The following CFAP20DC variants were observed in gnomAD, a reference collection of about 807,000 sequenced individuals.
The protein encoded by CFAP20DC is CFAP20 domain containing.
In CFAP20DC, 84 loss-of-function variants were observed where a neutral mutation model predicts 101.7. That is an observed-to-expected ratio of 0.83 (90% CI 0.69 to 0.99). The LOEUF (loss-of-function observed/expected upper bound fraction) is 0.99, where lower values mean the gene tolerates loss of function less well. CFAP20DC is among the 50% of genes least tolerant of loss of function. CFAP20DC has a pLI of 0.00. For missense variants in CFAP20DC, 1,007 were observed against 970.3 expected (o/e 1.04, Z -0.50); for synonymous variants, 359 against 351.2 (o/e 1.02, Z -0.25).
intron 6 of CFAP20DC, among the ~76,000 whole-genome samples, chr3:58,904,631 C>T (rs2083435851): frequency 6.6e-6 from 1 of 152,180 alleles, no homozygotes; most frequent in Non-Finnish European, 1.5e-5. Context: ...ATAATAAATA[C>T]TAAAACCACA....
intron 12 of CFAP20DC, among the ~76,000 whole-genome samples, chr3:58,849,666 G>A (rs2078049716): frequency 6.6e-6 from 1 of 152,086 alleles, no homozygotes; most frequent in South Asian, 2.1e-4. Context: ...TGAAAAACAA[G>A]AGAACATTTA....
chr3:58,991,259 C>A (rs570199808), intron 4 of CFAP20DC, among the ~76,000 whole-genome samples: 3 of 152,110 alleles, frequency 2.0e-5, no homozygotes, highest in Non-Finnish European at 4.4e-5. Context: ...TCATCAGTAA[C>A]CATCTCCAAC....
intron 16 of CFAP20DC, among the ~76,000 whole-genome samples, chr3:58,744,841 G>A (rs2068085017): frequency 6.6e-6 from 1 of 152,180 alleles, no homozygotes. Flanking sequence ...ACTCTGGAAA[G>A]GGTGAAGCAG....
rs867087672 is a variant in CFAP20DC at position 58,811,279 on chromosome 3, G to C, written c.2176-4823C>G. ...CTAAGCCAAAAGAACAAAGCTGGAG[G>C]CATCACGTTACCTGACTGCAAAGTA... On this transcript the variant is annotated intron_variant, in intron 14 of 16. Coordinates refer to ENST00000482387, the MANE Select transcript of CFAP20DC (RefSeq NM_001394063.1). Among the ~76,000 whole-genome samples, 11 of 152,114 alleles carry C rather than the reference G, an allele frequency of 7.2e-5. No homozygotes were observed. In the South Asian group the frequency reaches 1.0e-3, roughly 14 times the overall value.
rs1382732552 is a variant in CFAP20DC, at chr3:58,795,157, G to C, written c.2237+11238C>G. 6.6e-6 allele frequency among the ~76,000 whole-genome samples: 1 copy of C among 152,112 alleles called. No homozygotes were observed. Among genetic ancestry groups the C allele is most frequent in the Non-Finnish European group, 1.5e-5 (1 of 68,030 alleles). Reference sequence around the variant, plus strand: ...TTTAAAGGTTCTCATTACTCTTGAGGGGGAAGCTGAATCTTTTAATTAAAA... The same window carrying C: ...TTTAAAGGTTCTCATTACTCTTGAGCGGGAAGCTGAATCTTTTAATTAAAA... On this transcript the variant is annotated intron_variant, in intron 15 of 16. Coordinates refer to ENST00000482387, the MANE Select transcript of CFAP20DC (RefSeq NM_001394063.1). The surrounding 1 kb of genome is among the most constrained non-coding windows in gnomAD (Gnocchi z 4.2).
chr3:58,950,796 A>G (rs1260361877), intron 4 of CFAP20DC, among the ~76,000 whole-genome samples: 1 of 152,200 alleles, frequency 6.6e-6, no homozygotes, highest in Non-Finnish European at 1.5e-5. Flanking sequence ...TAGACCTAAA[A>G]CCATAAAAAC....
At chr3:58,890,159 G>A (rs1353380543) in intron 6 of CFAP20DC, among the ~76,000 whole-genome samples, 8 of 149,332 alleles carry the variant, frequency 5.4e-5, no homozygotes, top group Admixed American at 2.6e-4. Context: ...CCTCCCGGAC[G>A]GGGCGGCTGG....
intron 13 of CFAP20DC, among the ~76,000 whole-genome samples, chr3:58,840,069 C>A (rs1037859369): frequency 1.3e-5 from 2 of 152,222 alleles, no homozygotes; most frequent in African/African-American, 4.8e-5. Context: ...GGGACAGGAA[C>A]AAGTTACACC....
chr3:58,822,312 A>AAAC (rs2075722461), intron 14 of CFAP20DC, among the ~76,000 whole-genome samples: 1 of 138,392 alleles, frequency 7.2e-6, no homozygotes, highest in African/African-American at 2.8e-5. Flanking sequence ...AAATCATGAA[A>AAAC]AAACAAACAA....
chr3:59,039,528 A>T (rs1373185755), intron 4 of CFAP20DC, 29 bp downstream of exon 4: 6 of 1,345,020 alleles, frequency 4.5e-6, no homozygotes, highest in Non-Finnish European at 6.1e-6. Context: ...ATACACACAA[A>T]ACATTCAAAG....
chr3:58,900,312 C>T (rs2083042264), intron 6 of CFAP20DC, among the ~76,000 whole-genome samples: 1 of 152,192 alleles, frequency 6.6e-6, no homozygotes, highest in Admixed American at 6.5e-5. Context: ...TGGACAGAAG[C>T]CCCTTAATAA....
intron 15 of CFAP20DC, among the ~76,000 whole-genome samples, chr3:58,775,858 G>T (rs2071291316): frequency 6.6e-6 from 1 of 151,008 alleles, no homozygotes; most frequent in East Asian, 2.0e-4. Context: ...CGATTCTCCT[G>T]CCTCAGCCTC....
intron 4 of CFAP20DC, among the ~76,000 whole-genome samples, chr3:58,988,416 A>G (rs2092822636): frequency 1.3e-5 from 2 of 152,164 alleles, no homozygotes; most frequent in Admixed American, 1.3e-4. Flanking sequence ...TTCGCACTAC[A>G]TGTTCCATGG....
At chr3:59,031,060 G>C (rs1018751339) in intron 4 of CFAP20DC, among the ~76,000 whole-genome samples, 1 of 152,162 alleles carries the variant, frequency 6.6e-6, no homozygotes, top group African/African-American at 2.4e-5. Context: ...CTGACCTCGT[G>C]ATCCACACAC....
intron 4 of CFAP20DC, among the ~76,000 whole-genome samples, chr3:58,985,070 G>A (rs2092706877): frequency 6.6e-6 from 1 of 151,998 alleles, no homozygotes; most frequent in Non-Finnish European, 1.5e-5. Context: ...GACTACAGGA[G>A]CGCCCACAAT....
chr3:59,034,791 A>G (rs1379083979), intron 4 of CFAP20DC, among the ~76,000 whole-genome samples: 1 of 152,204 alleles, frequency 6.6e-6, no homozygotes, highest in African/African-American at 2.4e-5. Flanking sequence ...TCAATGAGAC[A>G]GAAAATTAAC....
At chr3:58,854,784 T>C (rs1212595087) in intron 12 of CFAP20DC, among the ~76,000 whole-genome samples, 6 of 150,156 alleles carry the variant, frequency 4.0e-5, no homozygotes, top group East Asian at 3.9e-4. Context: ...GCTAGCCATA[T>C]GTAGAAAGCT....
chr3:58,952,121 T>G (rs932102478), intron 4 of CFAP20DC, among the ~76,000 whole-genome samples: 4 of 152,158 alleles, frequency 2.6e-5, no homozygotes, highest in African/African-American at 9.7e-5. Flanking sequence ...TTATTACAAA[T>G]TCATCATCAG....
chr3:58,763,121 C>A (rs1197642482), intron 15 of CFAP20DC, among the ~76,000 whole-genome samples: 1 of 152,154 alleles, frequency 6.6e-6, no homozygotes, highest in Non-Finnish European at 1.5e-5. Context: ...TGGATAATAT[C>A]CTGCAGAGTG....
Sources: gnomAD v4.1 joint callset for allele counts (sites outside exome capture counted in the v4.1 genomes callset) on GRCh38, gnomAD v4.1.1 for gene constraint, Gnocchi (gnomAD v3.1) non-coding constraint, MANE v1.5 for transcripts, NCBI Gene and HGNC (gene_info 2026-07-23, HGNC 2026-07-21) for gene names.